DYNC1H1: variants seen among roughly 807,000 people sequenced by gnomAD.
The protein encoded by DYNC1H1 is cytoplasmic dynein 1 heavy chain 1.
DYNC1H1 carries 51 observed loss-of-function variants against 527.1 expected under a neutral mutation model. The observed-to-expected ratio is 0.10, with a 90% confidence interval of 0.08 to 0.12. The LOEUF (loss-of-function observed/expected upper bound fraction) is 0.12, where lower values mean the gene tolerates loss of function less well. DYNC1H1 is among the 10% of genes least tolerant of loss of function. DYNC1H1 has a pLI of 1.00. For synonymous variants in DYNC1H1, 2,189 were observed against 2,278.8 expected, an observed-to-expected ratio of 0.96 and a Z score of 1.12; for missense variants, 2,771 against 5,971.8, an observed-to-expected ratio of 0.46 and a Z score of 17.66.
chr14:101,996,958 C>T (rs2048069711), intron 15 of DYNC1H1, 77 bp from the exon 16 acceptor site: 20 of 1,548,872 alleles, frequency 1.3e-5, no homozygotes, highest in Non-Finnish European at 1.7e-5. Context: ...AGTGCCTTCT[C>T]TTTCATGGGG....
intron 34 of DYNC1H1, among the ~76,000 whole-genome samples, chr14:102,014,300 A>C (rs1299062618): frequency 1.3e-5 from 2 of 152,140 alleles, no homozygotes. Flanking sequence ...TTGGGAGGCC[A>C]AGGCAGGTGG....
intron 43 of DYNC1H1, 38 bp from the exon 44 acceptor site, chr14:102,026,536 T>A: frequency 6.2e-7 from 1 of 1,612,722 alleles, no homozygotes. Flanking sequence ...ACTAACATTT[T>A]TTTCTAAGTA....
In DYNC1H1 at chr14:102,015,140, C is replaced by T. The variant is rs752958394; in HGVS notation, c.7050C>T (p.Tyr2350=). ...TGTTTGAGGTACAGGACTTGAAATA[C>T]GCGACCTTGGCCACAGTGTCGCGCT... ...RIMFEVQDLK[Y]ATLATVSRCG... is the part of the protein sequence containing the mutation. Residue 2350 remains tyrosine (Y), a synonymous_variant, in exon 35 of 78, where the codon TAC becomes TAT. Coordinates refer to ENST00000360184, the MANE Select transcript of DYNC1H1 (RefSeq NM_001376.5). This position sits in a 1 kb window ranked among gnomAD's most constrained non-coding sequence, Gnocchi z 6.9. 5.6e-6 allele frequency: 9 copies of T among 1,614,224 alleles called. No individual in the cohort carries two copies. The highest frequency in any genetic ancestry group is 1.1e-5 in the South Asian group (1 of 91,088).
chr14:102,016,496 A>C lies in DYNC1H1; in HGVS notation c.7614+7A>C. 6.2e-7 allele frequency: 1 copy of C among 1,614,188 alleles called. No individual in the cohort carries two copies. Among genetic ancestry groups the C allele is most frequent in the Non-Finnish European group, 8.5e-7 (1 of 1,180,038 alleles). On this transcript the variant is annotated splice_region_variant and intron_variant, in intron 37 of 77. Coordinates refer to ENST00000360184, the MANE Select transcript of DYNC1H1 (RefSeq NM_001376.5). The surrounding 1 kb of genome is among the most constrained non-coding windows in gnomAD (Gnocchi z 7.3). The stretch of plus-strand genomic sequence containing the variant: ...ACCCATTATCGATTATGAGGTGAGC[A>C]TGCAGCTACCACCCGTGTTTCTGAT...
rs919092465 is a variant in DYNC1H1 at position 102,038,226 on chromosome 14, G to C, written c.10909-234G>C. On this transcript the variant is annotated intron_variant, in intron 57 of 77. Coordinates refer to ENST00000360184, the MANE Select transcript of DYNC1H1 (RefSeq NM_001376.5). This position sits in a 1 kb window ranked among gnomAD's most constrained non-coding sequence, Gnocchi z 7.2. Reference sequence around the variant, plus strand: ...ACTCCTGACCTCAAGTGATCTGCCTGCCTCAGCCTCCCAAAGTGCTGGAAT... The same window carrying C: ...ACTCCTGACCTCAAGTGATCTGCCTCCCTCAGCCTCCCAAAGTGCTGGAAT... 9 of 587,030 alleles carry C rather than the reference G, an allele frequency of 1.5e-5. No individual in the cohort carries two copies. The highest frequency in any genetic ancestry group is 1.4e-4 in the East Asian group (4 of 28,648). The allele number at this position is 587,030 out of a possible 1,614,324, so 36.4% of individuals were successfully genotyped here.
intron 1 of DYNC1H1, among the ~76,000 whole-genome samples, chr14:101,972,767 A>G (rs1367455739): frequency 1.3e-5 from 2 of 152,146 alleles, no homozygotes; most frequent in Non-Finnish European, 2.9e-5. Context: ...TGCGTCAGTG[A>G]TTTCCTTTGA....
chr14:102,029,581 A>G lies in DYNC1H1; in HGVS notation c.9511A>G (p.Ile3171Val), dbSNP rs1447561147. ...AAAGCGAGGCGGCAGAACGATGGCC[A>G]TCACCCCTCGCCACTACCTGGACTT... ...LAKRGGRTMA[I>V]TPRHYLDFIN... The change falls in exon 49 of 78, where the codon ATC becomes GTC. Residue 3171 changes from isoleucine to valine, a missense_variant. Ile to Val is a conservative substitution (Grantham distance 29). Coordinates refer to ENST00000360184, the MANE Select transcript of DYNC1H1 (RefSeq NM_001376.5). The surrounding 1 kb of genome is among the most constrained non-coding windows in gnomAD (Gnocchi z 5.3). The G allele has an allele frequency of 6.2e-7, 1 of 1,614,102 alleles. No individual in the cohort carries two copies. Among genetic ancestry groups the G allele is most frequent in the African/African-American group, 1.3e-5 (1 of 74,944 alleles).
In DYNC1H1 at chr14:101,964,595, G is replaced by T; in HGVS notation, c.-97G>T. On this transcript the variant is annotated 5_prime_UTR_variant, in exon 1 of 78. Transcript: ENST00000360184. This position sits in a 1 kb window ranked among gnomAD's most constrained non-coding sequence, Gnocchi z 5.5. ...CTCAGTCTGCGGTGGGCTAGCGGAC[G>T]GTCCGGCTTCCGGCGGCCGTTTCTG... is the stretch of plus-strand genomic sequence containing the variant. The T allele has an allele frequency of 1.3e-6, 2 of 1,526,336 alleles. No individual in the cohort carries two copies. Among genetic ancestry groups the T allele is most frequent in the Non-Finnish European group, 1.8e-6 (2 of 1,141,862 alleles). The allele number at this position is 1,526,336 out of a possible 1,614,324, so 94.5% of individuals were successfully genotyped here.
rs770740924 is a variant in DYNC1H1, at chr14:102,056,077, A to C, written c.*5514A>C. On this transcript the variant is annotated 3_prime_UTR_variant, in exon 78 of 78. Coordinates refer to ENST00000360184, the MANE Select transcript of DYNC1H1 (RefSeq NM_001376.5). Reference sequence around the variant, plus strand: ...ATACTCAGTACCTGTTTTAAGAAAAAAACGAAGTGAAATCAAAGACAGGCA... The same window carrying C: ...ATACTCAGTACCTGTTTTAAGAAAACAACGAAGTGAAATCAAAGACAGGCA... 1.3e-5 allele frequency: 2 copies of C among 152,242 alleles called. No homozygotes were observed. Among genetic ancestry groups the C allele is most frequent in the Non-Finnish European group, 2.9e-5 (2 of 68,052 alleles). The allele number at this position is 152,242 out of a possible 1,614,324, so 9.4% of individuals were successfully genotyped here. A position where few individuals can be genotyped will look rare whatever the true frequency, so the allele number is the denominator to read the frequency against.
intron 5 of DYNC1H1, among the ~76,000 whole-genome samples, chr14:101,982,347 A>G (rs1426806419): frequency 6.6e-6 from 1 of 152,132 alleles, no homozygotes; most frequent in African/African-American, 2.4e-5. Flanking sequence ...TAATCCTAGC[A>G]CTTTGGGAGG....
rs1334373821 is a variant in DYNC1H1 at position 102,042,171 on chromosome 14, G to A, written c.12214+47G>A. 6.2e-7 allele frequency: 1 copy of A among 1,613,942 alleles called. No individual in the cohort carries two copies. The highest frequency in any genetic ancestry group is 2.2e-5 in the East Asian group (1 of 44,836). Reference sequence around the variant, plus strand: ...CATGGGCTGGAGCCCTGCAGGATTTGTGGTGGGCATTGATGTCCGAGGCTG... The same window carrying A: ...CATGGGCTGGAGCCCTGCAGGATTTATGGTGGGCATTGATGTCCGAGGCTG... On this transcript the variant is annotated intron_variant, in intron 66 of 77. Coordinates refer to ENST00000360184, the MANE Select transcript of DYNC1H1 (RefSeq NM_001376.5). This position sits in a 1 kb window ranked among gnomAD's most constrained non-coding sequence, Gnocchi z 5.7.
rs147667984 is a variant in DYNC1H1 at position 102,040,891 on chromosome 14, C to T, written c.11941+218C>T. ...GGAAGGTCACTTGAGCCTGGGAGGT[C>T]GAGGTTGTGTGAGCTGTGATTGCAC... On this transcript the variant is annotated intron_variant, in intron 64 of 77. Transcript: ENST00000360184. The T allele has an allele frequency of 1.8e-4, 107 of 606,062 alleles. 1 individual carries two copies. Among genetic ancestry groups the T allele is most frequent in the African/African-American group, 1.6e-3 (88 of 54,538 alleles). The allele number at this position is 606,062 out of a possible 1,614,324, so 37.5% of individuals were successfully genotyped here. A position where few individuals can be genotyped will look rare whatever the true frequency, so the allele number is the denominator to read the frequency against.
In DYNC1H1 at chr14:101,985,289, A is replaced by G. The variant is rs1370282869; in HGVS notation, c.1462-398A>G. 1.3e-5 allele frequency among the ~76,000 whole-genome samples: 2 copies of G among 152,086 alleles called. No individual in the cohort carries two copies. Among genetic ancestry groups the G allele is most frequent in the African/African-American group, 4.8e-5 (2 of 41,420 alleles). ...AAACAATTAAATGACTAATTTCTTT[A>G]TATATATTTTTTTCTCTTCTGAATT... On this transcript the variant is annotated intron_variant, in intron 7 of 77. Transcript: ENST00000360184. The surrounding 1 kb of genome is among the most constrained non-coding windows in gnomAD (Gnocchi z 5.9).
rs1340122694 is a variant in DYNC1H1, at chr14:102,002,142, G to A, written c.4543-395G>A. Reference sequence around the variant, plus strand: ...TTTTCTTTTTTTGAGATGGAGTCTCGCTCTGTCACCCAGGCTGGAGTGCAA... The same window carrying A: ...TTTTCTTTTTTTGAGATGGAGTCTCACTCTGTCACCCAGGCTGGAGTGCAA... On this transcript the variant is annotated intron_variant, in intron 21 of 77. Transcript: ENST00000360184. The surrounding 1 kb of genome is among the most constrained non-coding windows in gnomAD (Gnocchi z 4.4). Among the ~76,000 whole-genome samples, 13 of 148,032 alleles carry A rather than the reference G, an allele frequency of 8.8e-5. No individual in the cohort carries two copies. Among genetic ancestry groups the A allele is most frequent in the African/African-American group, 1.3e-4 (5 of 39,968 alleles).
rs1237943969 is a variant in DYNC1H1, at chr14:102,041,253, G to C, written c.11942-321G>C. On this transcript the variant is annotated intron_variant, in intron 64 of 77. Transcript: ENST00000360184. The surrounding 1 kb of genome is among the most constrained non-coding windows in gnomAD (Gnocchi z 4.5). ...CCAGGCTGAGAGGAAGTGTCAGACT[G>C]TGGAGGGCAGAGCGTGGAGCCCCCT... is the stretch of plus-strand genomic sequence containing the variant. 1 of 416,126 alleles carries C rather than the reference G, an allele frequency of 2.4e-6. No homozygotes were observed. The highest frequency in any genetic ancestry group is 2.1e-5 in the South Asian group (1 of 47,626). The allele number at this position is 416,126 out of a possible 1,614,324, so 25.8% of individuals were successfully genotyped here.
chr14:102,038,168 G>A lies in DYNC1H1; in HGVS notation c.10909-292G>A, dbSNP rs941921204. ...TAACTTTCGTATTTTTAGTAGAGAT[G>A]GAGTTTCACCATGTTGGCCAGTCTG... On this transcript the variant is annotated intron_variant, in intron 57 of 77. Transcript: ENST00000360184. The surrounding 1 kb of genome is among the most constrained non-coding windows in gnomAD (Gnocchi z 7.2). The A allele has an allele frequency of 4.7e-6, 2 of 426,398 alleles. No homozygotes were observed. Among genetic ancestry groups the A allele is most frequent in the Non-Finnish European group, 8.8e-6 (2 of 226,966 alleles). 26.4% of individuals were successfully genotyped at this position (426,398 alleles called of 1,614,324 possible).
intron 10 of DYNC1H1, among the ~76,000 whole-genome samples, chr14:101,990,530 C>A (rs138784839): frequency 9.2e-5 from 14 of 152,254 alleles, no homozygotes; most frequent in African/African-American, 3.1e-4. Context: ...CATTGTAGTT[C>A]AGACTGAAGT....
rs1272775780 is a variant in DYNC1H1, at chr14:101,995,178, C to T, written c.3445-3C>T. On this transcript the variant is annotated splice_region_variant and splice_polypyrimidine_tract_variant and intron_variant, in intron 14 of 77. Coordinates refer to ENST00000360184, the MANE Select transcript of DYNC1H1 (RefSeq NM_001376.5). ...GATGAAATACTCCCCTCTCTCTGAA[C>T]AGTCCCGCCAAGAGTTGGAGCAGCA... The T allele has an allele frequency of 6.2e-7, 1 of 1,614,124 alleles. No individual in the cohort carries two copies. Among genetic ancestry groups the T allele is most frequent in the African/African-American group, 1.3e-5 (1 of 74,940 alleles).
chr14:101,997,297 G>A lies in DYNC1H1; in HGVS notation c.3804+23G>A, dbSNP rs184157907. ...ACGGTGAGTCCCGCCAGGTGGGGAC[G>A]CAGGAGACTCCTCACCCAGCAGTGT... On this transcript the variant is annotated intron_variant, in intron 16 of 77. Transcript: ENST00000360184. This position sits in a 1 kb window ranked among gnomAD's most constrained non-coding sequence, Gnocchi z 4.8. The A allele has an allele frequency of 5.5e-4, 894 of 1,613,962 alleles. 3 individuals carry two copies. The highest frequency in any genetic ancestry group is 2.2e-3 in the South Asian group (197 of 91,036).
Sources: gnomAD v4.1 joint callset for allele counts (sites outside exome capture counted in the v4.1 genomes callset) on GRCh38, gnomAD v4.1.1 for gene constraint, Gnocchi (gnomAD v3.1) non-coding constraint, MANE v1.5 for transcripts, NCBI Gene and HGNC (gene_info 2026-07-23, HGNC 2026-07-21) for gene names.